AK9: variants seen among roughly 807,000 people sequenced by gnomAD.
AK9 encodes the protein adenylate kinase 9.
AK9 carries 191 observed loss-of-function variants against 239.6 expected under a neutral mutation model. That is an observed-to-expected ratio of 0.80 (90% CI 0.71 to 0.90). AK9 has a LOEUF of 0.90. AK9 is among the 40% of genes least tolerant of loss of function. AK9 has a pLI of 0.00. For synonymous variants in AK9, 689 were observed against 721.0 expected (o/e 0.96, Z 0.71); for missense variants, 1,995 against 2,214.7 (o/e 0.90, Z 1.99).
intron 13 of AK9, among the ~76,000 whole-genome samples, 197 bp downstream of exon 13, chr6:109,618,895 A>G (rs1794499361): frequency 6.6e-6 from 1 of 151,874 alleles, no homozygotes; most frequent in Non-Finnish European, 1.5e-5. Context: ...TTCATTCCTT[A>G]GAGGTCTAGA....
intron 1 of AK9, among the ~76,000 whole-genome samples, chr6:109,681,245 G>C (rs1275903121): frequency 6.6e-6 from 1 of 152,198 alleles, no homozygotes; most frequent in Non-Finnish European, 1.5e-5. Flanking sequence ...TAAAGGGATG[G>C]AGGAATATTT....
At chr6:109,639,029 A>C (rs957529327) in intron 10 of AK9, among the ~76,000 whole-genome samples, 3 of 151,992 alleles carry the variant, frequency 2.0e-5, no homozygotes, top group Admixed American at 6.6e-5. Flanking sequence ...TATGTGCCAC[A>C]TTTTCTTAAT....
chr6:109,586,847 T>C (rs965469752), intron 17 of AK9, among the ~76,000 whole-genome samples: 11 of 152,154 alleles, frequency 7.2e-5, no homozygotes, highest in Non-Finnish European at 8.8e-5. Flanking sequence ...AAAACACCAA[T>C]TCTGAGAGCT....
At chr6:109,669,259 A>G (rs961318613) in intron 5 of AK9, among the ~76,000 whole-genome samples, 6 of 152,122 alleles carry the variant, frequency 3.9e-5, no homozygotes, top group African/African-American at 1.4e-4. Flanking sequence ...ACTTTGCTGA[A>G]GTTGCTTATC....
chr6:109,510,669 A>G (rs79808460), intron 32 of AK9, among the ~76,000 whole-genome samples: 3 of 152,166 alleles, frequency 2.0e-5, no homozygotes, highest in Non-Finnish European at 4.4e-5. Flanking sequence ...CTGAGCTGCT[A>G]CAACACTCAA....
In AK9 at chr6:109,640,181, T is replaced by A. The variant is rs1177773738; in HGVS notation, c.933+1337A>T. Among the ~76,000 whole-genome samples, 10 of 152,276 alleles carry A rather than the reference T, an allele frequency of 6.6e-5. No individual in the cohort carries two copies. In the East Asian group the frequency reaches 1.9e-3, roughly 29 times the overall value. ...AAAACTGTGCTGCCTCACAGTTCAA[T>A]CTCAGACTGCTGTGCTAGCAGTGAG... is the stretch of plus-strand genomic sequence containing the variant. On this transcript the variant is annotated intron_variant, in intron 10 of 40. Transcript: ENST00000424296.
chr6:109,666,867 A>G (rs1310273387), intron 5 of AK9, among the ~76,000 whole-genome samples: 2 of 152,218 alleles, frequency 1.3e-5, no homozygotes, highest in Non-Finnish European at 2.9e-5. Flanking sequence ...GAGTGGACAC[A>G]TTGGTGACCA....
At position 109,545,854 on chromosome 6, in the gene AK9, A is replaced by T; in HGVS notation, c.3225+13T>A. 6.3e-7 allele frequency: 1 copy of T among 1,577,636 alleles called. No homozygotes were observed. Among genetic ancestry groups the T allele is most frequent in the Admixed American group, 2.0e-5 (1 of 49,758 alleles). Reference sequence around the variant, plus strand: ...AAACAAAACAAACAAAAAACAAAAAAAGAGATTACTACCTGCTTTTTTGTA... The same window carrying T: ...AAACAAAACAAACAAAAAACAAAAATAGAGATTACTACCTGCTTTTTTGTA... On this transcript the variant is annotated intron_variant, in intron 26 of 40. Coordinates refer to ENST00000424296, the MANE Select transcript of AK9 (RefSeq NM_001145128.3).
intron 21 of AK9, 119 bp from the exon 22 acceptor site, chr6:109,564,964 A>C (rs1786275957): frequency 1.5e-6 from 1 of 645,686 alleles, no homozygotes; most frequent in Non-Finnish European, 2.4e-6. Flanking sequence ...TGCCTAATAG[A>C]AAGCAAAGTT....
intron 13 of AK9, among the ~76,000 whole-genome samples, chr6:109,616,863 C>T (rs1444345899): frequency 3.3e-5 from 5 of 152,042 alleles, no homozygotes; most frequent in Non-Finnish European, 7.4e-5. Context: ...GGGGTTTAAA[C>T]TATACTTCTT....
chr6:109,597,048 T>C (rs1791130680), intron 17 of AK9, among the ~76,000 whole-genome samples: 1 of 152,224 alleles, frequency 6.6e-6, no homozygotes, highest in Non-Finnish European at 1.5e-5. Flanking sequence ...AAAATCTATA[T>C]AGAAAATCTT....
chr6:109,532,403 G>T (rs193293403), intron 28 of AK9, among the ~76,000 whole-genome samples: 70 of 152,208 alleles, frequency 4.6e-4, no homozygotes, highest in African/African-American at 1.7e-3. Context: ...CTTCATCTGG[G>T]CCATCCTAGG....
intron 19 of AK9, among the ~76,000 whole-genome samples, chr6:109,580,537 T>C (rs1052836048): frequency 4.6e-5 from 7 of 152,208 alleles, no homozygotes; most frequent in East Asian, 1.9e-4. Context: ...AGCCCATTCA[T>C]GTCAGCAGCA....
chr6:109,596,941 T>C (rs1221771376), intron 17 of AK9, among the ~76,000 whole-genome samples: 1 of 152,230 alleles, frequency 6.6e-6, no homozygotes, highest in East Asian at 1.9e-4. Flanking sequence ...TTAATGGCTT[T>C]ATAGTATTTT....
Position 109,529,073 on chromosome 6 carries a change from C to T in AK9, c.3571G>A (p.Val1191Ile). ...GCCCTTCTTTTAGCAATCGTATCAA[C>T]CTGTTAAAGAAAGAGACATTAAAAA... ...LIKDMKAKIR[V>I]DTIAKRRAEL... is the part of the protein sequence containing the mutation. Residue 1191 changes from valine to isoleucine, a missense_variant and splice_region_variant, in exon 29 of 41, where the codon GTT (valine) becomes ATT (isoleucine). Physicochemically the swap from Val to Ile is conservative, Grantham distance 29. Coordinates refer to ENST00000424296, the MANE Select transcript of AK9 (RefSeq NM_001145128.3). The T allele has an allele frequency of 6.4e-7, 1 of 1,567,702 alleles. No individual in the cohort carries two copies. The highest frequency in any genetic ancestry group is 2.2e-5 in the East Asian group (1 of 44,646).
intron 15 of AK9, 90 bp downstream of exon 15, chr6:109,614,093 G>A: frequency 7.8e-7 from 1 of 1,288,766 alleles, no homozygotes; most frequent in Non-Finnish European, 1.1e-6. Context: ...AATTTTGGGG[G>A]TAATTTTAAG....
chr6:109,682,974 A>G (rs1772902242), intron 1 of AK9, among the ~76,000 whole-genome samples: 1 of 152,262 alleles, frequency 6.6e-6, no homozygotes, highest in Non-Finnish European at 1.5e-5. Context: ...AATATCCCTG[A>G]TGAACATCAA....
At chr6:109,653,946 A>C (rs1438238866) in intron 8 of AK9, among the ~76,000 whole-genome samples, 1 of 152,180 alleles carries the variant, frequency 6.6e-6, no homozygotes, top group Non-Finnish European at 1.5e-5. Context: ...TTATTTGTGT[A>C]CAACAACAAT....
At chr6:109,567,380 G>T (rs1583037250) in intron 21 of AK9, among the ~76,000 whole-genome samples, 1 of 152,182 alleles carries the variant, frequency 6.6e-6, no homozygotes, top group South Asian at 2.1e-4. Context: ...ACTAAACCAG[G>T]AAGAAGCTGA....
Sources: gnomAD v4.1 joint callset for allele counts (sites outside exome capture counted in the v4.1 genomes callset) on GRCh38, gnomAD v4.1.1 for gene constraint, MANE v1.5 for transcripts, NCBI Gene and HGNC (gene_info 2026-07-23, HGNC 2026-07-21) for gene names.